The following TRPM3 variants were observed in gnomAD, a reference collection of about 807,000 sequenced individuals.
The protein encoded by TRPM3 is transient receptor potential cation channel subfamily M member 3.
Under a neutral mutation model 181.2 loss-of-function variants are expected in TRPM3, and 77 were observed. The ratio of observed to expected loss-of-function variants is 0.42; its 90% CI spans 0.35 to 0.51. The LOEUF (loss-of-function observed/expected upper bound fraction) is 0.51, where lower values mean the gene tolerates loss of function less well. Among genes scored for constraint, TRPM3 ranks in the 20% least tolerant of loss-of-function variants. The pLI, the probability that TRPM3 is intolerant of heterozygous loss-of-function variation, is 0.01. For synonymous variants in TRPM3, 745 were observed against 796.4 expected, an observed-to-expected ratio of 0.94 and a Z score of 1.09; for missense variants, 1,759 against 2,196.7, an observed-to-expected ratio of 0.80 and a Z score of 3.98.
intron 1 of TRPM3, among the ~76,000 whole-genome samples, chr9:71,024,279 C>T (rs576532568): frequency 6.6e-6 from 1 of 152,010 alleles, no homozygotes; most frequent in South Asian, 2.1e-4. Context: ...CTAGGCATAC[C>T]CATTGGGACA....
chr9:71,433,005 CTTAG>C (rs1408766590), intron 1 of TRPM3, among the ~76,000 whole-genome samples: 2 of 152,020 alleles, frequency 1.3e-5, no homozygotes, highest in Non-Finnish European at 2.9e-5. Flanking sequence ...CAGTAAAATC[CTTAG>C]TTAGGAAAGA....
At chr9:70,919,578 G>A (rs1589777168) in intron 1 of TRPM3, among the ~76,000 whole-genome samples, 1 of 152,172 alleles carries the variant, frequency 6.6e-6, no homozygotes, top group African/African-American at 2.4e-5. Context: ...GAGGTCAGGA[G>A]TTGGAGACCA....
chr9:70,910,304 A>G (rs995256110), intron 1 of TRPM3, among the ~76,000 whole-genome samples: 6 of 152,236 alleles, frequency 3.9e-5, no homozygotes, highest in African/African-American at 1.4e-4. Flanking sequence ...AAAGGAACAC[A>G]TGATTCTGTT....
At chr9:71,361,090 G>T (rs925419986) in intron 1 of TRPM3, among the ~76,000 whole-genome samples, 1 of 152,156 alleles carries the variant, frequency 6.6e-6, no homozygotes, top group African/African-American at 2.4e-5. Context: ...GGGTTCAAGT[G>T]ATTTTCCTGC....
chr9:71,168,474 C>T (rs2076642617), intron 1 of TRPM3, among the ~76,000 whole-genome samples: 2 of 146,768 alleles, frequency 1.4e-5, no homozygotes, highest in African/African-American at 2.5e-5. Flanking sequence ...GCAATGTCAG[C>T]ATCACTAAGC....
intron 1 of TRPM3, among the ~76,000 whole-genome samples, chr9:71,269,667 A>G (rs1044193561): frequency 6.6e-6 from 1 of 152,234 alleles, no homozygotes; most frequent in African/African-American, 2.4e-5. Context: ...GGAGTGAGTG[A>G]TGCCCTACAT....
intron 12 of TRPM3, among the ~76,000 whole-genome samples, chr9:70,628,265 G>C (rs979367437): frequency 6.6e-6 from 1 of 152,126 alleles, no homozygotes; most frequent in Non-Finnish European, 1.5e-5. Flanking sequence ...CCCACCCATC[G>C]TGTCATTTTC....
intron 1 of TRPM3, among the ~76,000 whole-genome samples, chr9:71,185,241 T>C (rs1393753117): frequency 6.6e-6 from 1 of 152,080 alleles, no homozygotes; most frequent in African/African-American, 2.4e-5. Context: ...AAAAAATCAG[T>C]TCAGAGCAAT....
intron 8 of TRPM3, among the ~76,000 whole-genome samples, chr9:70,684,894 T>A (rs978428226): frequency 9.2e-5 from 14 of 152,234 alleles, no homozygotes; most frequent in African/African-American, 3.1e-4. Context: ...CCTTCTGAGT[T>A]GGGAACGTTT....
intron 1 of TRPM3, among the ~76,000 whole-genome samples, chr9:70,958,892 A>C (rs1008540038): frequency 6.6e-6 from 1 of 151,786 alleles, no homozygotes; most frequent in South Asian, 2.1e-4. Context: ...TTCTCAGTAA[A>C]CTATCGCAAG....
chr9:70,635,612 G>A (rs778097947), intron 11 of TRPM3, among the ~76,000 whole-genome samples: 1 of 151,238 alleles, frequency 6.6e-6, no homozygotes, highest in Non-Finnish European at 1.5e-5. Context: ...ACCATGCCTG[G>A]CTAATGCTTT....
At chr9:71,089,727 C>A (rs2065888418) in intron 1 of TRPM3, among the ~76,000 whole-genome samples, 2 of 152,020 alleles carry the variant, frequency 1.3e-5, no homozygotes, top group Non-Finnish European at 2.9e-5. Context: ...TGAAGACACC[C>A]AGAGATAGAA....
At chr9:70,891,608 T>G (rs2096204176) in intron 1 of TRPM3, among the ~76,000 whole-genome samples, 1 of 152,168 alleles carries the variant, frequency 6.6e-6, no homozygotes, top group South Asian at 2.1e-4. Flanking sequence ...AATAGCAAAA[T>G]TTGGAAAAAC....
intron 1 of TRPM3, among the ~76,000 whole-genome samples, chr9:71,287,298 AT>A (rs1482065776): frequency 6.6e-6 from 1 of 151,834 alleles, no homozygotes; most frequent in Admixed American, 6.6e-5. Context: ...CAGAAATAGA[AT>A]AGTTCACAGG....
At chr9:70,672,982 G>T (rs141637481) in intron 9 of TRPM3, among the ~76,000 whole-genome samples, 2 of 152,222 alleles carry the variant, frequency 1.3e-5, no homozygotes, top group Non-Finnish European at 2.9e-5. Flanking sequence ...GTGCACCTGT[G>T]GCTTTGTAAA....
At chr9:70,823,938 TC>T (rs751049880) in intron 6 of TRPM3, among the ~76,000 whole-genome samples, 1 of 152,200 alleles carries the variant, frequency 6.6e-6, no homozygotes, top group Non-Finnish European at 1.5e-5. Context: ...GATGTTTCAG[TC>T]CTGACTGTTG....
chr9:71,294,998 G>T (rs2086135123), intron 1 of TRPM3, among the ~76,000 whole-genome samples: 1 of 152,152 alleles, frequency 6.6e-6, no homozygotes, highest in Non-Finnish European at 1.5e-5. Context: ...TCTGTAAGAG[G>T]AGAGTACACA....
chr9:70,933,542 C>G (rs955709218), intron 1 of TRPM3, among the ~76,000 whole-genome samples: 3 of 152,024 alleles, frequency 2.0e-5, no homozygotes, highest in African/African-American at 7.2e-5. Context: ...GGCAGAGAGC[C>G]ATCTATGGAG....
intron 1 of TRPM3, among the ~76,000 whole-genome samples, chr9:71,107,141 T>C (rs529195764): frequency 3.9e-5 from 6 of 152,192 alleles, no homozygotes; most frequent in South Asian, 2.1e-4. Flanking sequence ...ACATTATAAA[T>C]ATACCCCCAA....
Sources: allele counts gnomAD v4.1 joint callset (sites outside exome capture counted in the v4.1 genomes callset), GRCh38; gene constraint gnomAD v4.1.1; transcripts MANE v1.5; gene names NCBI Gene and HGNC (gene_info 2026-07-23, HGNC 2026-07-21).